The following OR7A5 variants were observed in gnomAD, a reference collection of about 807,000 sequenced individuals.
The protein encoded by OR7A5 is olfactory receptor family 7 subfamily A member 5, also known as olfactory receptor 7A5.
For synonymous variants in OR7A5, 140 were observed against 146.7 expected, an observed-to-expected ratio of 0.95 and a Z score of 0.33; for missense variants, 319 against 377.9, an observed-to-expected ratio of 0.84 and a Z score of 1.29.
chr19:14,828,791 TGAGAACTTCTTCTATGAATTTGAGGA>T lies in OR7A5; in HGVS notation c.-13-563_-13-538del, dbSNP rs2044802298. On this transcript the variant is annotated intron_variant, in intron 1 of 1. Coordinates refer to ENST00000322301, the MANE Select transcript of OR7A5 (RefSeq NM_017506.2). ...AAAAAAAAAAAAAAAAAAAAAAGAA[TGAGAACTTCTTCTATGAATTTGAGGA>T]ATATAAATTGAATGTTGACCATGTT... Among the ~76,000 whole-genome samples the T allele has an allele frequency of 9.9e-4, 110 of 110,956 alleles. 2 individuals are homozygous for T. The South Asian group carries it at 0.03, about 30-fold the overall frequency. The allele number at this position is 110,956 out of a possible 152,430, so 72.8% of individuals were successfully genotyped here.
At position 14,827,183 on chromosome 19, in the gene OR7A5, C is replaced by G. The variant is rs916281869; in HGVS notation, c.*99G>C. 1.7e-5 allele frequency: 21 copies of G among 1,237,696 alleles called. No individual in the cohort carries two copies. The African/African-American group carries it at 3.2e-4, about 19-fold the overall frequency. The allele number at this position is 1,237,696 out of a possible 1,614,324, so 76.7% of individuals were successfully genotyped here. A position where few individuals can be genotyped will look rare whatever the true frequency, so the allele number is the denominator to read the frequency against. On this transcript the variant is annotated 3_prime_UTR_variant, in exon 2 of 2. Coordinates refer to ENST00000322301, the MANE Select transcript of OR7A5 (RefSeq NM_017506.2). Reference sequence around the variant, plus strand: ...GTTGAAATCACAACAAATTGAAACTCCCAGAAATATAATAAGTATTAATAG... The same window carrying G: ...GTTGAAATCACAACAAATTGAAACTGCCAGAAATATAATAAGTATTAATAG...
At position 14,827,236 on chromosome 19, in the gene OR7A5, G is replaced by A. The variant is rs1289152594; in HGVS notation, c.*46C>T. 3 of 1,488,880 alleles carry A rather than the reference G, an allele frequency of 2.0e-6. No homozygotes were observed. Among genetic ancestry groups the A allele is most frequent in the Admixed American group, 4.8e-5 (2 of 42,092 alleles). The allele number at this position is 1,488,880 out of a possible 1,614,324, so 92.2% of individuals were successfully genotyped here. On this transcript the variant is annotated 3_prime_UTR_variant, in exon 2 of 2. Coordinates refer to ENST00000322301, the MANE Select transcript of OR7A5 (RefSeq NM_017506.2). ...GGAGCAAGTTCTATTTCCACTATCT[G>A]ATTGAAGAATGACAGTTACTACCTC...
At chr19:14,830,705 G>C (rs2044823261) in intron 1 of OR7A5, among the ~76,000 whole-genome samples, 1 of 152,158 alleles carries the variant, frequency 6.6e-6, no homozygotes, top group Non-Finnish European at 1.5e-5. Context: ...AGTAAATAAA[G>C]TTATCCAAAA....
In OR7A5 at chr19:14,827,285, T is replaced by C. The variant is rs1203097912; in HGVS notation, c.957A>G (p.Pro319=). 1.9e-6 allele frequency: 3 copies of C among 1,546,198 alleles called. No homozygotes were observed. The highest frequency in any genetic ancestry group is 1.3e-5 in the South Asian group (1 of 77,348). Residue 319 remains proline, a synonymous_variant, in exon 2 of 2, where the codon CCA becomes CCG. Coordinates refer to ENST00000322301, the MANE Select transcript of OR7A5 (RefSeq NM_017506.2). ...TMKGQFFKKC[P] The stretch of plus-strand genomic sequence containing the variant: ...TCTGAAGCTTAGAGCCCTGCAATCA[T>C]GGGCACTTCTTGAAAAATTGCCCTT...
At chr19:14,828,418 C>T (rs1273828905) in intron 1 of OR7A5, 164 bp from the exon 2 acceptor site, 5 of 704,844 alleles carry the variant, frequency 7.1e-6, no homozygotes, top group Non-Finnish European at 1.2e-5. Context: ...TTAGGAACTC[C>T]TTCCCACTCT....
intron 1 of OR7A5, among the ~76,000 whole-genome samples, chr19:14,832,747 A>G (rs555845873): frequency 6.6e-6 from 1 of 152,164 alleles, no homozygotes; most frequent in South Asian, 2.1e-4. Context: ...TCATAAAAAG[A>G]TGTGACGATG....
intron 1 of OR7A5, among the ~76,000 whole-genome samples, chr19:14,828,932 CAAT>C (rs2044803737): frequency 1.3e-5 from 1 of 77,156 alleles, no homozygotes; most frequent in Admixed American, 1.5e-4. Context: ...ACAAATTAAA[CAAT>C]CGAATATAAA....
intron 1 of OR7A5, among the ~76,000 whole-genome samples, chr19:14,831,735 G>A (rs952006705): frequency 5.6e-4 from 83 of 148,182 alleles, no homozygotes; most frequent in African/African-American, 2.0e-3. Flanking sequence ...GAGCCACCGC[G>A]CCTGGCCTAT....
intron 1 of OR7A5, among the ~76,000 whole-genome samples, chr19:14,829,249 G>A (rs1332695914): frequency 6.6e-6 from 1 of 152,222 alleles, no homozygotes; most frequent in Non-Finnish European, 1.5e-5. Flanking sequence ...CTGTTGCCGG[G>A]CTGGAGCGCA....
intron 1 of OR7A5, among the ~76,000 whole-genome samples, chr19:14,832,903 CAT>C (rs1260688987): frequency 6.6e-6 from 1 of 152,082 alleles, no homozygotes; most frequent in Admixed American, 6.6e-5. Context: ...ATCATATCAA[CAT>C]AAATTAATAA....
At chr19:14,831,550 T>C (rs1280383422) in intron 1 of OR7A5, among the ~76,000 whole-genome samples, 1 of 152,068 alleles carries the variant, frequency 6.6e-6, no homozygotes, top group East Asian at 1.9e-4. Flanking sequence ...GTTCACGCCA[T>C]TCTCCTGCCT....
In OR7A5 at chr19:14,832,921, C is replaced by CA. The variant is rs1278964324; in HGVS notation, c.-14+2152dup. On this transcript the variant is annotated intron_variant, in intron 1 of 1. Transcript: ENST00000322301. ...ATATCAACATAAATTAATAAATTGG[C>CA]AAAAATCTAGATATAAAAGAATATG... is the stretch of plus-strand genomic sequence containing the variant. 1.3e-4 allele frequency among the ~76,000 whole-genome samples: 20 copies of CA among 151,698 alleles called. No homozygotes were observed. The South Asian group carries it at 2.3e-3, about 17-fold the overall frequency.
At chr19:14,830,036 C>T (rs1254137695) in intron 1 of OR7A5, among the ~76,000 whole-genome samples, 1 of 152,148 alleles carries the variant, frequency 6.6e-6, no homozygotes, top group Non-Finnish European at 1.5e-5. Context: ...CTGATTTCTA[C>T]ATTTTTTGTG....
chr19:14,828,964 A>G (rs2044804268), intron 1 of OR7A5, among the ~76,000 whole-genome samples: 1 of 151,726 alleles, frequency 6.6e-6, no homozygotes, highest in Admixed American at 6.6e-5. Flanking sequence ...ACAATCACAT[A>G]ATATGTCAGA....
At chr19:14,831,848 C>A (rs992642462) in intron 1 of OR7A5, among the ~76,000 whole-genome samples, 5 of 152,096 alleles carry the variant, frequency 3.3e-5, no homozygotes, top group African/African-American at 1.2e-4. Flanking sequence ...AATGCCTGCC[C>A]AGACCATATT....
intron 1 of OR7A5, among the ~76,000 whole-genome samples, chr19:14,834,466 A>G (rs182819708): frequency 9.1e-4 from 139 of 152,332 alleles, no homozygotes; most frequent in African/African-American, 3.2e-3. Flanking sequence ...ACACACAAAT[A>G]TATTCAGCCA....
At chr19:14,832,499 G>C (rs145367305) in intron 1 of OR7A5, among the ~76,000 whole-genome samples, 2 of 149,310 alleles carry the variant, frequency 1.3e-5, no homozygotes, top group African/African-American at 4.9e-5. Flanking sequence ...GATCTCGGCT[G>C]ACTGGCAACC....
chr19:14,827,784 G>A lies in OR7A5; in HGVS notation c.458C>T (p.Ala153Val). The change falls in exon 2 of 2, where the codon GCT becomes GTT. Residue 153 changes from alanine to valine, a missense_variant. Coordinates refer to ENST00000322301, the MANE Select transcript of OR7A5 (RefSeq NM_017506.2). ...LLVLASWTMS[A>V]LYSLLQILMV... The stretch of plus-strand genomic sequence containing the variant: ...TAAGATTTGTAGCAAGGAATACAGA[G>A]CACTCATGGTCCAGGATGCTAGAAC... The A allele has an allele frequency of 6.2e-7, 1 of 1,614,194 alleles. No individual in the cohort carries two copies. Among genetic ancestry groups the A allele is most frequent in the East Asian group, 2.2e-5 (1 of 44,880 alleles).
In OR7A5 at chr19:14,826,876, G is replaced by A. The variant is rs1459967916; in HGVS notation, c.*406C>T. 6.4e-6 allele frequency: 1 copy of A among 157,096 alleles called. No homozygotes were observed. The highest frequency in any genetic ancestry group is 1.4e-5 in the Non-Finnish European group (1 of 71,494). The allele number at this position is 157,096 out of a possible 1,614,324, so 9.7% of individuals were successfully genotyped here. On this transcript the variant is annotated 3_prime_UTR_variant, in exon 2 of 2. Coordinates refer to ENST00000322301, the MANE Select transcript of OR7A5 (RefSeq NM_017506.2). The stretch of plus-strand genomic sequence containing the variant: ...ATTATCAGGAGGAGCATTGAAGGTA[G>A]AGACAGACATAGGACTGAAGAATAC...
Sources: gnomAD v4.1 joint callset for allele counts (sites outside exome capture counted in the v4.1 genomes callset) on GRCh38, gnomAD v4.1.1 for gene constraint, MANE v1.5 for transcripts, NCBI Gene and HGNC (gene_info 2026-07-23, HGNC 2026-07-21) for gene names.